Variants in LRIG1 observed in about 807,000 individuals in gnomAD.
LRIG1 encodes the protein leucine rich repeats and immunoglobulin like domains 1.
Under a neutral mutation model 99.2 loss-of-function variants are expected in LRIG1, and 48 were observed. The observed-to-expected ratio is 0.48, with a 90% CI of 0.38 to 0.62. The LOEUF (loss-of-function observed/expected upper bound fraction) is 0.62, where lower values mean the gene tolerates loss of function less well. Among genes scored for constraint, LRIG1 ranks in the 20% least tolerant of loss-of-function variants. The pLI is 0.00. For missense variants in LRIG1, 1,646 were observed against 1,434.4 expected, an observed-to-expected ratio of 1.15 and a Z score of -2.38; for synonymous variants, 772 against 596.1, an observed-to-expected ratio of 1.29 and a Z score of -4.30.
chr3:66,467,562 C>T (rs533919766), intron 1 of LRIG1, among the ~76,000 whole-genome samples: 2 of 152,124 alleles, frequency 1.3e-5, no homozygotes, highest in South Asian at 2.1e-4. Flanking sequence ...AGGGTTTCAC[C>T]GTGTTAGCCA....
chr3:66,382,526 A>G (rs1201987723), intron 15 of LRIG1, 128 bp from the exon 16 acceptor site: 3 of 1,066,676 alleles, frequency 2.8e-6, no homozygotes, highest in East Asian at 2.4e-5. Context: ...GAGAGATGAC[A>G]TGGAGTCCAT....
At chr3:66,455,525 A>G (rs554780636) in intron 2 of LRIG1, among the ~76,000 whole-genome samples, 54 of 152,366 alleles carry the variant, frequency 3.5e-4, no homozygotes, top group Non-Finnish European at 6.3e-4. Flanking sequence ...CTGGTGGCAC[A>G]GTAGTCCTCT....
chr3:66,403,284 T>C (rs569806843), intron 9 of LRIG1, among the ~76,000 whole-genome samples: 6 of 152,204 alleles, frequency 3.9e-5, no homozygotes, highest in African/African-American at 1.4e-4. Context: ...CACATAACCA[T>C]GATAGCATCA....
At chr3:66,390,872 A>T (rs935724056) in intron 12 of LRIG1, among the ~76,000 whole-genome samples, 2 of 152,236 alleles carry the variant, frequency 1.3e-5, no homozygotes, top group Admixed American at 1.3e-4. Context: ...AATGAAAAAT[A>T]GCCCTCCCTC....
intron 2 of LRIG1, among the ~76,000 whole-genome samples, chr3:66,454,007 G>A (rs1047213608): frequency 6.6e-6 from 1 of 152,148 alleles, no homozygotes; most frequent in Non-Finnish European, 1.5e-5. Context: ...GAGGGGTGGT[G>A]GACCAGTGCT....
chr3:66,474,509 C>A (rs939925087), intron 1 of LRIG1, among the ~76,000 whole-genome samples: 3 of 152,122 alleles, frequency 2.0e-5, no homozygotes, highest in Admixed American at 2.0e-4. Flanking sequence ...CTGCACCCAG[C>A]TAATTCTTGT....
chr3:66,428,293 T>C (rs1703047625), intron 3 of LRIG1, among the ~76,000 whole-genome samples: 2 of 152,146 alleles, frequency 1.3e-5, no homozygotes, highest in Admixed American at 6.5e-5. Flanking sequence ...AAGTGCCCTG[T>C]TTCATGCTGC....
At chr3:66,405,110 G>A in intron 9 of LRIG1, 88 bp downstream of exon 9, 1 of 1,167,032 alleles carries the variant, frequency 8.6e-7, no homozygotes. Flanking sequence ...GCCCAGAGCA[G>A]AGAGGCGCGG....
At chr3:66,443,205 T>A (rs1417835019) in intron 3 of LRIG1, among the ~76,000 whole-genome samples, 1 of 151,850 alleles carries the variant, frequency 6.6e-6, no homozygotes, top group Non-Finnish European at 1.5e-5. Flanking sequence ...GTATCCAGCA[T>A]CTGATGAGGC....
At chr3:66,390,965 T>C (rs982166743) in intron 12 of LRIG1, among the ~76,000 whole-genome samples, 3 of 152,022 alleles carry the variant, frequency 2.0e-5, no homozygotes, top group South Asian at 2.1e-4. Flanking sequence ...CAACTAAACA[T>C]TGAAAAGACA....
chr3:66,404,173 C>A, intron 9 of LRIG1: 1 of 1,164,140 alleles, frequency 8.6e-7, no homozygotes, highest in Non-Finnish European at 1.1e-6. Flanking sequence ...ATAAAAGGTG[C>A]AAAAAGCCAC....
chr3:66,463,032 T>C (rs936793491), intron 1 of LRIG1, among the ~76,000 whole-genome samples: 2 of 152,114 alleles, frequency 1.3e-5, no homozygotes, highest in Non-Finnish European at 2.9e-5. Flanking sequence ...TCACAACTGG[T>C]GGCAGGGAGT....
rs1218756311 is a variant in LRIG1, at chr3:66,477,886, T to C, written c.219-15377A>G. The stretch of plus-strand genomic sequence containing the variant: ...AGGATAGGAGTGGCCTGCTGTAGGA[T>C]AGGAGGATTACCAAACAGATGTTGG... On this transcript the variant is annotated intron_variant, in intron 1 of 18. Coordinates refer to ENST00000273261, the MANE Select transcript of LRIG1 (RefSeq NM_015541.3). 7.2e-5 allele frequency among the ~76,000 whole-genome samples: 11 copies of C among 151,874 alleles called. No individual in the cohort carries two copies. The East Asian group carries it at 1.4e-3, about 19-fold the overall frequency.
intron 6 of LRIG1, 123 bp from the exon 7 acceptor site, chr3:66,410,395 C>A (rs76247263): frequency 0.06 from 54,854 of 912,806 alleles, 2,009 homozygotes; most frequent in South Asian, 0.078. Context: ...CAGTGCACGA[C>A]AGAACTGTGG....
At chr3:66,497,216 A>G (rs1450260078) in intron 1 of LRIG1, among the ~76,000 whole-genome samples, 7 of 152,144 alleles carry the variant, frequency 4.6e-5, no homozygotes, top group African/African-American at 1.4e-4. Context: ...CCCAATCCCA[A>G]TGGGCTACCA....
chr3:66,382,904 A>C, intron 15 of LRIG1, 78 bp downstream of exon 15: 11 of 1,369,850 alleles, frequency 8.0e-6, no homozygotes, highest in Non-Finnish European at 1.1e-5. Flanking sequence ...TTCAAAAGCC[A>C]CTGGAACCCG....
intron 1 of LRIG1, among the ~76,000 whole-genome samples, chr3:66,482,914 A>G (rs929053521): frequency 6.6e-6 from 1 of 152,222 alleles, no homozygotes; most frequent in East Asian, 1.9e-4. Context: ...CTATCCAGTG[A>G]TAATATTTAT....
chr3:66,381,697 G>T (rs984211311), intron 16 of LRIG1, 66 bp from the exon 17 acceptor site: 1 of 1,552,770 alleles, frequency 6.4e-7, no homozygotes, highest in Non-Finnish European at 8.8e-7. Flanking sequence ...CCTTATGAAA[G>T]GAATGAGCAA....
chr3:66,491,585 G>A (rs1429326796), intron 1 of LRIG1, among the ~76,000 whole-genome samples: 2 of 152,088 alleles, frequency 1.3e-5, no homozygotes, highest in Non-Finnish European at 2.9e-5. Context: ...CAGTTAAAAT[G>A]AATGTCAATT....
Sources: allele counts gnomAD v4.1 joint callset (sites outside exome capture counted in the v4.1 genomes callset), GRCh38; gene constraint gnomAD v4.1.1; transcripts MANE v1.5; gene names NCBI Gene and HGNC (gene_info 2026-07-23, HGNC 2026-07-21).